PRKAR1A: variants seen among roughly 807,000 people sequenced by gnomAD.
The protein encoded by PRKAR1A is cAMP-dependent protein kinase type I-alpha regulatory subunit.
PRKAR1A carries 3 observed loss-of-function variants against 52.0 expected under a neutral mutation model. The ratio of observed to expected loss-of-function variants is 0.06; its 90% CI spans 0.03 to 0.15. The LOEUF (loss-of-function observed/expected upper bound fraction) is 0.15. Among genes scored for constraint, PRKAR1A ranks in the 10% least tolerant of loss-of-function variants. PRKAR1A has a pLI of 1.00. For synonymous variants in PRKAR1A, 188 were observed against 168.4 expected (o/e 1.12, Z -0.90); for missense variants, 240 against 477.4 (o/e 0.50, Z 4.63).
chr17:68,469,714 A>G, the PRKAR1A span, among the ~76,000 whole-genome samples: 1 of 151,832 alleles, frequency 6.6e-6, no homozygotes, highest in East Asian at 1.9e-4. Flanking sequence ...TGCTCTTTAC[A>G]CTCTTAAAAA....
the PRKAR1A span, chr17:68,421,074 TCAAA>T: frequency 7.7e-5 from 12 of 155,160 alleles, no homozygotes; most frequent in Non-Finnish European, 1.4e-4. Flanking sequence ...TACATTTCTA[TCAAA>T]CAATGCCTTG....
chr17:68,427,815 G>T, the PRKAR1A span, among the ~76,000 whole-genome samples: 1 of 152,200 alleles, frequency 6.6e-6, no homozygotes, highest in Non-Finnish European at 1.5e-5. Flanking sequence ...GGGGGCGGTG[G>T]CAGCTCTGGT....
In PRKAR1A at chr17:68,522,856, G is replaced by A; in HGVS notation, c.278G>A (p.Gly93Asp). 1 of 1,613,982 alleles carries A rather than the reference G, an allele frequency of 6.2e-7. No homozygotes were observed. The highest frequency in any genetic ancestry group is 1.7e-5 in the Admixed American group (1 of 60,012). The change falls in exon 3 of 11, where the codon GGT becomes GAT. Residue 93 changes from glycine (G) to aspartate (D), a missense_variant. Around this residue, in one of 4 missense-constraint regions of PRKAR1A, gnomAD observed 107 missense variants for 290.9 expected, o/e 0.37. Coordinates refer to ENST00000589228, the MANE Select transcript of PRKAR1A (RefSeq NM_002734.5). Reference protein sequence around the residue: ...SPPPPNPVVKGRRRRGAISAE... With the variant: ...SPPPPNPVVKDRRRRGAISAE... ...CCTCCACCCAACCCAGTGGTTAAAG[G>A]TAGGAGGCGACGAGGTGCTATCAGC...
chr17:68,439,457 G>A, the PRKAR1A span, among the ~76,000 whole-genome samples: 1 of 152,154 alleles, frequency 6.6e-6, no homozygotes, highest in South Asian at 2.1e-4. Context: ...ACAGAAAGTA[G>A]ATTAGGGGTT....
At chr17:68,454,518 C>A in the PRKAR1A span, among the ~76,000 whole-genome samples, 1 of 152,164 alleles carries the variant, frequency 6.6e-6, no homozygotes, top group Non-Finnish European at 1.5e-5. Flanking sequence ...TCTCGCAGCC[C>A]TCCAACCTGC....
chr17:68,472,503 C>A, the PRKAR1A span, among the ~76,000 whole-genome samples: 1 of 152,196 alleles, frequency 6.6e-6, no homozygotes, highest in African/African-American at 2.4e-5. Context: ...GTCCAAAAAA[C>A]AGGAGAAACT....
At chr17:68,437,014 A>ATGTGTGTGTGTGTGTGTGTGTG in the PRKAR1A span, among the ~76,000 whole-genome samples, 7 of 82,142 alleles carry the variant, frequency 8.5e-5, no homozygotes, top group East Asian at 9.8e-4. Context: ...AAATATATAT[A>ATGTGTGTGTGTGTGTGTGTGTG]TATGTGTGTG....
chr17:68,453,675 C>T, the PRKAR1A span, among the ~76,000 whole-genome samples: 5 of 152,188 alleles, frequency 3.3e-5, no homozygotes, highest in African/African-American at 1.2e-4. Flanking sequence ...GACAGGGTTT[C>T]ACCATGTTGA....
chr17:68,502,344 A>G, the PRKAR1A span, among the ~76,000 whole-genome samples: 1 of 152,206 alleles, frequency 6.6e-6, no homozygotes, highest in Non-Finnish European at 1.5e-5. Context: ...ACATTTTAAA[A>G]TTATTGAAAA....
the PRKAR1A span, among the ~76,000 whole-genome samples, chr17:68,460,351 G>T: frequency 6.6e-6 from 1 of 152,184 alleles, no homozygotes; most frequent in Non-Finnish European, 1.5e-5. Flanking sequence ...TTGGGAAGGG[G>T]AAGCCCATTG....
the PRKAR1A span, among the ~76,000 whole-genome samples, chr17:68,470,906 C>T: frequency 2.6e-5 from 4 of 152,144 alleles, no homozygotes; most frequent in South Asian, 8.3e-4. Flanking sequence ...CTGCCACCCC[C>T]AAATCTCTTT....
chr17:68,456,682 A>G, the PRKAR1A span, among the ~76,000 whole-genome samples: 3 of 152,056 alleles, frequency 2.0e-5, no homozygotes, highest in African/African-American at 7.3e-5. Context: ...CCGGGAAAAG[A>G]GTCTTGGACT....
At chr17:68,468,288 G>A in the PRKAR1A span, among the ~76,000 whole-genome samples, 1 of 152,188 alleles carries the variant, frequency 6.6e-6, no homozygotes. Context: ...GGGGCTAAGG[G>A]TAGATATGTG....
chr17:68,433,653 T>C, the PRKAR1A span: 1 of 1,210,724 alleles, frequency 8.3e-7, no homozygotes, highest in Non-Finnish European at 1.2e-6. Context: ...ATCAGCTTTA[T>C]AAGAAAATCA....
chr17:68,532,275 T>C lies in PRKAR1A; in HGVS notation c.*1826T>C. ...TTTGATCTTTGTTTAAATGCCAAAA[T>C]GTACTTAAATGAGTTACTTAGAATG... On this transcript the variant is annotated 3_prime_UTR_variant, in exon 11 of 11. Transcript: ENST00000589228. 9.6e-7 allele frequency: 1 copy of C among 1,044,386 alleles called. No homozygotes were observed. Among genetic ancestry groups the C allele is most frequent in the Non-Finnish European group, 1.2e-6 (1 of 860,224 alleles). The allele number at this position is 1,044,386 out of a possible 1,614,324, so 64.7% of individuals were successfully genotyped here. A position where few individuals can be genotyped will look rare whatever the true frequency, so the allele number is the denominator to read the frequency against.
At chr17:68,548,737 T>A (rs2086689035) in intron 11 of PRKAR1A, among the ~76,000 whole-genome samples, 1 of 141,476 alleles carries the variant, frequency 7.1e-6, no homozygotes, top group Non-Finnish European at 1.5e-5. Context: ...TTTTTTTTTT[T>A]TTTTTTTTTT....
chr17:68,521,186 C>T (rs990346794), intron 2 of PRKAR1A, among the ~76,000 whole-genome samples: 4 of 152,136 alleles, frequency 2.6e-5, no homozygotes, highest in Non-Finnish European at 5.9e-5. Context: ...GTGGTCTGCC[C>T]ACCTTGGCCT....
At chr17:68,431,600 G>A in the PRKAR1A span, among the ~76,000 whole-genome samples, 1 of 148,970 alleles carries the variant, frequency 6.7e-6, no homozygotes, top group African/African-American at 2.5e-5. Flanking sequence ...AGATGATATA[G>A]GATGGACTGG....
chr17:68,531,296 A>G lies in PRKAR1A; in HGVS notation c.*847A>G, dbSNP rs144299673. On this transcript the variant is annotated 3_prime_UTR_variant, in exon 11 of 11. Coordinates refer to ENST00000589228, the MANE Select transcript of PRKAR1A (RefSeq NM_002734.5). ...TTGAGAATAAGAATTTGAGGTCTAC[A>G]TTCTTGGTTGTTAATTTAGAGCGTT... 8.5e-4 allele frequency: 909 copies of G among 1,066,208 alleles called. 10 individuals carry two copies. In the East Asian group the frequency reaches 0.028, roughly 33 times the overall value. 66.0% of individuals were successfully genotyped at this position (1,066,208 alleles called of 1,614,324 possible). A position where few individuals can be genotyped will look rare whatever the true frequency, so the allele number is the denominator to read the frequency against.
Sources: gnomAD v4.1 joint callset for allele counts (sites outside exome capture counted in the v4.1 genomes callset) on GRCh38, gnomAD v4.1.1 for gene constraint, gnomAD v4.1.1 regional missense constraint, MANE v1.5 for transcripts, NCBI Gene and HGNC (gene_info 2026-07-23, HGNC 2026-07-21) for gene names.